The following HMGCL variants were observed in gnomAD, a reference collection of about 807,000 sequenced individuals.
The protein encoded by HMGCL is hydroxymethylglutaryl-CoA lyase, mitochondrial.
Under a neutral mutation model 37.3 loss-of-function variants are expected in HMGCL, and 26 were observed. The ratio of observed to expected loss-of-function variants is 0.70; its 90% CI spans 0.51 to 0.97. HMGCL has a LOEUF of 0.97. Ranked by LOEUF, HMGCL falls within the 50% of genes least tolerant of loss-of-function variation. The pLI is 0.00. For missense variants in HMGCL, 379 were observed against 398.1 expected, an observed-to-expected ratio of 0.95 and a Z score of 0.41; for synonymous variants, 151 against 148.0, an observed-to-expected ratio of 1.02 and a Z score of -0.15.
chr1:23,821,892 T>C (rs1479697827), intron 1 of HMGCL, among the ~76,000 whole-genome samples: 1 of 152,154 alleles, frequency 6.6e-6, no homozygotes, highest in Non-Finnish European at 1.5e-5. Context: ...CTCTCTCATC[T>C]TTCAGTTGCA....
At chr1:23,815,155 C>T (rs535990738) in intron 4 of HMGCL, among the ~76,000 whole-genome samples, 21 of 151,836 alleles carry the variant, frequency 1.4e-4, no homozygotes, top group Non-Finnish European at 2.8e-4. Context: ...TGCAGTGAGC[C>T]GAGATCATGC....
chr1:23,807,175 T>A (rs1221494148), intron 7 of HMGCL: 3 of 518,926 alleles, frequency 5.8e-6, no homozygotes, highest in Non-Finnish European at 1.2e-5. Context: ...AGAATTCCCC[T>A]TTACCTGCCT....
intron 2 of HMGCL, among the ~76,000 whole-genome samples, chr1:23,820,111 G>A (rs1638685631): frequency 6.6e-6 from 1 of 152,146 alleles, no homozygotes. Flanking sequence ...ACATGGAATT[G>A]CTGGGTCTAC....
chr1:23,815,685 C>T (rs951294765), intron 4 of HMGCL, among the ~76,000 whole-genome samples: 7 of 151,564 alleles, frequency 4.6e-5, no homozygotes, highest in Non-Finnish European at 8.8e-5. Context: ...TTAGTAGAGA[C>T]GGGGTTTCAT....
In HMGCL at chr1:23,810,765, C is replaced by T. The variant is rs747529727; in HGVS notation, c.532G>A (p.Gly178Arg). Reference sequence around the variant, plus strand: ...GCTACTTTAGCTGGGGAGATCTTCCCTTCATAAGGGCAGCCAAGAGCACAG... The same window carrying T: ...GCTACTTTAGCTGGGGAGATCTTCCTTTCATAAGGGCAGCCAAGAGCACAG... Reference protein sequence around the residue: ...VSCALGCPYEGKISPAKVAEV... With the variant: ...VSCALGCPYERKISPAKVAEV... The change falls in exon 6 of 9, where the codon GGG becomes AGG. Residue 178 changes from glycine to arginine, a missense_variant. Physicochemically the swap from Gly to Arg is moderately radical, Grantham distance 125 (BLOSUM62 -2). Transcript: ENST00000374490. The T allele has an allele frequency of 6.2e-7, 1 of 1,613,904 alleles. No individual in the cohort carries two copies. The highest frequency in any genetic ancestry group is 8.5e-7 in the Non-Finnish European group (1 of 1,179,970).
intron 2 of HMGCL, among the ~76,000 whole-genome samples, chr1:23,820,187 A>G (rs1638687354): frequency 6.6e-6 from 1 of 152,038 alleles, no homozygotes; most frequent in Non-Finnish European, 1.5e-5. Flanking sequence ...GTTTATATAT[A>G]TACATATATT....
At chr1:23,812,025 T>C (rs1009963556) in intron 5 of HMGCL, among the ~76,000 whole-genome samples, 10 of 152,206 alleles carry the variant, frequency 6.6e-5, no homozygotes. Context: ...CCAATGTTAC[T>C]GGAGCACCTG....
intron 5 of HMGCL, among the ~76,000 whole-genome samples, chr1:23,812,127 G>A (rs982063250): frequency 2.6e-5 from 4 of 152,198 alleles, no homozygotes; most frequent in African/African-American, 4.8e-5. Flanking sequence ...GGGACTGGGA[G>A]AGATGTGGGC....
chr1:23,804,151 C>T (rs1387331526), intron 8 of HMGCL: 4 of 570,054 alleles, frequency 7.0e-6, no homozygotes, highest in Admixed American at 2.8e-5. Context: ...TGCTGTTTCA[C>T]CCAGGCTGGA....
chr1:23,820,831 C>G (rs966496344), intron 1 of HMGCL, among the ~76,000 whole-genome samples: 3 of 152,202 alleles, frequency 2.0e-5, no homozygotes, highest in Non-Finnish European at 4.4e-5. Flanking sequence ...GAAGTCCAGA[C>G]TCCTTTTCCA....
At chr1:23,803,632 A>G (rs1638337664) in intron 8 of HMGCL, 1 of 152,198 alleles carries the variant, frequency 6.6e-6, no homozygotes, top group Non-Finnish European at 1.5e-5. Context: ...CTGGCCCTCT[A>G]CGTACGTTTT....
intron 6 of HMGCL, among the ~76,000 whole-genome samples, chr1:23,809,121 G>A (rs1394663038): frequency 6.7e-6 from 1 of 150,228 alleles, no homozygotes; most frequent in Non-Finnish European, 1.5e-5. Flanking sequence ...GGCCAGGCTG[G>A]TCTTGAACTC....
intron 1 of HMGCL, among the ~76,000 whole-genome samples, chr1:23,824,590 C>T (rs1638781881): frequency 6.6e-6 from 1 of 152,000 alleles, no homozygotes; most frequent in Non-Finnish European, 1.5e-5. Flanking sequence ...GTAAAAATAC[C>T]ACCACCGACT....
chr1:23,825,362 G>C lies in HMGCL; in HGVS notation c.54C>G (p.Leu18=). ...GGCGGCTCGGGGCACTTACAGCCCG[G>C]AGGGACGCCAAGCCCACCAGTCGCC... is the stretch of plus-strand genomic sequence containing the variant. The part of the protein sequence containing the change: ...LPRRLVGLAS[L]RAVSTSSMGT... Residue 18 remains leucine, a synonymous_variant, in exon 1 of 9, where the codon CTC becomes CTG. Coordinates refer to ENST00000374490, the MANE Select transcript of HMGCL (RefSeq NM_000191.3). 1.3e-6 allele frequency: 2 copies of C among 1,559,134 alleles called. No individual in the cohort carries two copies. Among genetic ancestry groups the C allele is most frequent in the Non-Finnish European group, 1.7e-6 (2 of 1,152,226 alleles).
At position 23,825,245 on chromosome 1, in the gene HMGCL, T is replaced by C. The variant is rs1474878608; in HGVS notation, c.60+111A>G. Reference sequence around the variant, plus strand: ...CTCCAACGCCCTCCCGACTCTGGCCTGAGAGCTGTCCGGCCTCGCCTCTAA... The same window carrying C: ...CTCCAACGCCCTCCCGACTCTGGCCCGAGAGCTGTCCGGCCTCGCCTCTAA... On this transcript the variant is annotated intron_variant, in intron 1 of 8. Coordinates refer to ENST00000374490, the MANE Select transcript of HMGCL (RefSeq NM_000191.3). 10 of 874,768 alleles carry C rather than the reference T, an allele frequency of 1.1e-5. No homozygotes were observed. In the African/African-American group the frequency reaches 1.7e-4, roughly 15 times the overall value. 54.2% of individuals were successfully genotyped at this position (874,768 alleles called of 1,614,324 possible).
Position 23,808,283 on chromosome 1 carries a change from G to T in HMGCL, c.602C>A (p.Ser201Tyr), listed in dbSNP as rs760106433. 1.2e-5 allele frequency: 20 copies of T among 1,614,068 alleles called. No homozygotes were observed. The highest frequency in any genetic ancestry group is 3.3e-5 in the South Asian group (3 of 91,074). Residue 201 changes from serine to tyrosine, a missense_variant, in exon 7 of 9, where the codon TCC (serine) becomes TAC (tyrosine). Transcript: ENST00000374490. ...GCCCACACCAATGGTGTCCCCCAGGGAGATCTCGTAGCAGCCCATTGAGTA... is the reference window on the plus strand; with the variant it reads ...GCCCACACCAATGGTGTCCCCCAGGTAGATCTCGTAGCAGCCCATTGAGTA... ...KFYSMGCYEI[S>Y]LGDTIGVGTP...
chr1:23,813,081 G>A (rs1432153697), intron 5 of HMGCL, among the ~76,000 whole-genome samples: 1 of 151,866 alleles, frequency 6.6e-6, no homozygotes, highest in Non-Finnish European at 1.5e-5. Flanking sequence ...GTAGAGATGG[G>A]GTTTCCCCAT....
In HMGCL at chr1:23,808,326, A is replaced by G. The variant is rs1482487462; in HGVS notation, c.562-3T>C. 1 of 1,613,540 alleles carries G rather than the reference A, an allele frequency of 6.2e-7. No individual in the cohort carries two copies. Among genetic ancestry groups the G allele is most frequent in the Non-Finnish European group, 8.5e-7 (1 of 1,179,666 alleles). On this transcript the variant is annotated splice_region_variant and splice_polypyrimidine_tract_variant and intron_variant, in intron 6 of 8. Transcript: ENST00000374490. ...ATTGAGTAGAACTTCTTGGTGACCT[A>G]AGGAAGCAAGCAGGCACTTGGAGGA...
rs115864848 is a variant in HMGCL at position 23,813,678 on chromosome 1, T to C, written c.497+512A>G. On this transcript the variant is annotated intron_variant, in intron 5 of 8. Coordinates refer to ENST00000374490, the MANE Select transcript of HMGCL (RefSeq NM_000191.3). ...GATAACCTACTCCCTGCTGGGCTAT[T>C]GTGAGGTTTCAATTATTATAGATAA... Among the ~76,000 whole-genome samples the C allele has an allele frequency of 6.1e-3, 936 of 152,276 alleles. 7 individuals are homozygous for C. Among genetic ancestry groups the C allele is most frequent in the African/African-American group, 0.021 (874 of 41,552 alleles).
Sources: gnomAD v4.1 joint callset for allele counts (sites outside exome capture counted in the v4.1 genomes callset) on GRCh38, gnomAD v4.1.1 for gene constraint, MANE v1.5 for transcripts, NCBI Gene and HGNC (gene_info 2026-07-23, HGNC 2026-07-21) for gene names.